The following MACF1 variants were observed in gnomAD, a reference collection of about 807,000 sequenced individuals.
The protein encoded by MACF1 is microtubule-actin cross-linking factor 1.
MACF1 carries 193 observed loss-of-function variants against 854.8 expected under a neutral mutation model. The ratio of observed to expected loss-of-function variants is 0.23; its 90% confidence interval spans 0.20 to 0.25. The LOEUF (loss-of-function observed/expected upper bound fraction) is 0.25, where lower values mean the gene tolerates loss of function less well. MACF1 is among the 10% of genes least tolerant of loss of function. The pLI, the probability that MACF1 is intolerant of heterozygous loss-of-function variation, is 1.00. For missense variants in MACF1, 7,722 were observed against 8,929.1 expected (o/e 0.86, Z 5.45); for synonymous variants, 3,185 against 3,226.7 (o/e 0.99, Z 0.44).
intron 49 of MACF1, among the ~76,000 whole-genome samples, chr1:39,361,997 A>G (rs181691865): frequency 2.0e-5 from 3 of 152,340 alleles, no homozygotes; most frequent in Admixed American, 6.5e-5. Context: ...CTCAGTGGTA[A>G]AAGGGCATAT....
intron 58 of MACF1, among the ~76,000 whole-genome samples, chr1:39,388,905 G>GTC (rs201080678): frequency 8.3e-5 from 11 of 132,446 alleles, no homozygotes; most frequent in Admixed American, 1.6e-4. Context: ...TTGAGACAGG[G>GTC]TCTCTCTCTC....
At chr1:39,252,463 T>C (rs1645051670) in intron 4 of MACF1, among the ~76,000 whole-genome samples, 1 of 152,216 alleles carries the variant, frequency 6.6e-6, no homozygotes. Flanking sequence ...CTAGTTGCTA[T>C]AGAGGACAGA....
intron 58 of MACF1, among the ~76,000 whole-genome samples, chr1:39,417,316 C>T (rs1643352596): frequency 6.6e-6 from 1 of 152,156 alleles, no homozygotes; most frequent in African/African-American, 2.4e-5. Flanking sequence ...TAGACCTCTT[C>T]AGTCTTAATC....
chr1:39,385,927 C>A lies in MACF1; in HGVS notation c.14342C>A (p.Ala4781Glu). 1 of 1,602,522 alleles carries A rather than the reference C, an allele frequency of 6.2e-7. No homozygotes were observed. The highest frequency in any genetic ancestry group is 8.5e-7 in the Non-Finnish European group (1 of 1,172,594). Residue 4781 changes from alanine to glutamate, a missense_variant and splice_region_variant, in exon 57 of 101, where the codon GCA (alanine) becomes GAA (glutamate). Physicochemically the swap from Ala to Glu is moderately radical, Grantham distance 107. This residue lies in a region of MACF1 where 2,807 missense variants were observed against 3,235.8 expected (regional missense o/e 0.87). Coordinates refer to ENST00000564288, the MANE Select transcript of MACF1 (RefSeq NM_001394062.1). ...CCTCTCCAAGGTTTAGAAGACCTTG[C>A]AGGTAAGTTGGGGTGAAGAACATAC... ...ALPLQGLEDL[A>E]ADRINRLQAA...
intron 2 of MACF1, among the ~76,000 whole-genome samples, chr1:39,248,304 T>C (rs773721897): frequency 9.8e-5 from 15 of 152,296 alleles, no homozygotes; most frequent in Non-Finnish European, 1.6e-4. Context: ...TACTTTCTTT[T>C]TTTTTATTAT....
chr1:39,452,123 TGA>T, intron 85 of MACF1, 31 bp from the exon 86 acceptor site: 3 of 1,549,864 alleles, frequency 1.9e-6, no homozygotes, highest in Non-Finnish European at 2.6e-6. Context: ...AAACATTCCT[TGA>T]ACAAACAAAT....
chr1:39,442,249 A>T lies in MACF1; in HGVS notation c.18877A>T (p.Ile6293Phe). The T allele has an allele frequency of 6.2e-7, 1 of 1,610,274 alleles. No individual in the cohort carries two copies. Among genetic ancestry groups the T allele is most frequent in the Non-Finnish European group, 8.5e-7 (1 of 1,178,874 alleles). ...AGCTACTGATGAGACGGACAGAGAC[A>T]TTATACGAGAACCACTGACAGAACT... ...KKATDETDRDIIREPLTELKH... is the reference protein window; with the variant it reads ...KKATDETDRDFIREPLTELKH... Residue 6293 changes from isoleucine (I) to phenylalanine (F), a missense_variant, in exon 76 of 101, where the codon ATT (isoleucine) becomes TTT (phenylalanine). By Grantham distance (21) the Ile-to-Phe change is conservative. This residue lies in a region of MACF1 where 2,807 missense variants were observed against 3,235.8 expected (regional missense o/e 0.87). Coordinates refer to ENST00000564288, the MANE Select transcript of MACF1 (RefSeq NM_001394062.1).
At chr1:39,423,138 A>G (rs557722471) in intron 60 of MACF1, among the ~76,000 whole-genome samples, 19 of 152,326 alleles carry the variant, frequency 1.2e-4, no homozygotes, top group Non-Finnish European at 2.5e-4. Context: ...GTGTTCATCT[A>G]CAATTTTGTG....
chr1:39,269,865 C>G (rs1324362676), intron 6 of MACF1: 3 of 551,236 alleles, frequency 5.4e-6, no homozygotes, highest in African/African-American at 4.0e-5. Context: ...TGGAGCTCAG[C>G]AAGCAGAATC....
intron 2 of MACF1, among the ~76,000 whole-genome samples, chr1:39,242,566 TG>T (rs1472863027): frequency 1.3e-5 from 2 of 151,826 alleles, no homozygotes; most frequent in African/African-American, 4.8e-5. Flanking sequence ...TTGGGCAACA[TG>T]GCAAAACCCC....
chr1:39,290,979 CT>C (rs963893919), intron 15 of MACF1, among the ~76,000 whole-genome samples: 1 of 142,748 alleles, frequency 7.0e-6, no homozygotes, highest in Non-Finnish European at 1.5e-5. Flanking sequence ...CCAGTCTCAA[CT>C]TTTTTTTTTG....
At position 39,316,478 on chromosome 1, in the gene MACF1, A is replaced by G; in HGVS notation, c.3537A>G (p.Glu1179=). 1 of 1,614,042 alleles carries G rather than the reference A, an allele frequency of 6.2e-7. No individual in the cohort carries two copies. The highest frequency in any genetic ancestry group is 8.5e-7 in the Non-Finnish European group (1 of 1,179,940). The part of the protein sequence containing the change: ...KGYEIKLSQE[E]VVLADLSALE... ...ATGAGATTAAGCTGAGTCAAGAAGA[A>G]GTAGTACTGGCAGATCTCTCAGCTC... The change falls in exon 28 of 101, where the codon GAA becomes GAG. Residue 1179 remains glutamate (E), a synonymous_variant. Coordinates refer to ENST00000564288, the MANE Select transcript of MACF1 (RefSeq NM_001394062.1).
At chr1:39,186,614 A>AT (rs1194374895) in intron 2 of MACF1, among the ~76,000 whole-genome samples, 7 of 147,470 alleles carry the variant, frequency 4.7e-5, no homozygotes, top group South Asian at 2.2e-4. Context: ...ATTTTCCACT[A>AT]TTTTTTTTTA....
chr1:39,331,369 C>T lies in MACF1; in HGVS notation c.4781C>T (p.Ser1594Phe), dbSNP rs1172496339. Residue 1594 changes from serine (S) to phenylalanine (F), a missense_variant, in exon 37 of 101, where the codon TCT (serine) becomes TTT (phenylalanine). Physicochemically the swap from Ser to Phe is radical, Grantham distance 155 (BLOSUM62 -2). Around this residue, in one of 15 missense-constraint regions of MACF1, gnomAD observed 1,531 missense variants for 1,601.6 expected, o/e 0.96. Coordinates refer to ENST00000564288, the MANE Select transcript of MACF1 (RefSeq NM_001394062.1). Reference protein sequence around the residue: ...LIAPETGENLSLEEGIARNLI... With the variant: ...LIAPETGENLFLEEGIARNLI... ...GCCCCTGAGACGGGTGAAAACCTCTCTTTGGAGGAGGGCATAGCCAGAAAC... is the reference window on the plus strand; with the variant it reads ...GCCCCTGAGACGGGTGAAAACCTCTTTTTGGAGGAGGGCATAGCCAGAAAC... 6.2e-7 allele frequency: 1 copy of T among 1,613,932 alleles called. No homozygotes were observed.
chr1:39,461,527 G>A (rs183412190), intron 92 of MACF1, among the ~76,000 whole-genome samples: 79 of 151,864 alleles, frequency 5.2e-4, no homozygotes, highest in African/African-American at 1.8e-3. Context: ...GGTGGCTCGC[G>A]CCTGTAATCC....
At chr1:39,131,258 G>C (rs773954373) in intron 2 of MACF1, among the ~76,000 whole-genome samples, 10 of 148,398 alleles carry the variant, frequency 6.7e-5, no homozygotes, top group Non-Finnish European at 1.2e-4. Flanking sequence ...TGAACTCCTG[G>C]GCTAAAGCGA....
At chr1:39,214,642 G>C (rs1459254486) in intron 1 of MACF1, among the ~76,000 whole-genome samples, 1 of 152,176 alleles carries the variant, frequency 6.6e-6, no homozygotes, top group Non-Finnish European at 1.5e-5. Flanking sequence ...GCTGAGGTGG[G>C]GCTACTCTGT....
intron 26 of MACF1, among the ~76,000 whole-genome samples, chr1:39,313,740 C>T (rs1056304684): frequency 2.0e-5 from 3 of 152,012 alleles, no homozygotes; most frequent in Admixed American, 6.6e-5. Context: ...CTTTTTTGTC[C>T]TTTTAACATG....
intron 33 of MACF1, among the ~76,000 whole-genome samples, chr1:39,323,561 AAAG>A (rs1646552667): frequency 6.6e-6 from 1 of 151,956 alleles, no homozygotes; most frequent in South Asian, 2.1e-4. Flanking sequence ...CATGGCATAG[AAAG>A]AAGTTTATAG....
Sources: allele counts gnomAD v4.1 joint callset (sites outside exome capture counted in the v4.1 genomes callset), GRCh38; gene constraint gnomAD v4.1.1; regional missense constraint gnomAD v4.1.1; transcripts MANE v1.5; gene names NCBI Gene and HGNC (gene_info 2026-07-23, HGNC 2026-07-21).